LRGUK: variants seen among roughly 807,000 people sequenced by gnomAD.
LRGUK encodes leucine-rich repeat and guanylate kinase domain-containing protein.
LRGUK carries 65 observed loss-of-function variants against 76.0 expected under a neutral mutation model. That is an observed-to-expected ratio of 0.85 (90% CI 0.70 to 1.05). The LOEUF (loss-of-function observed/expected upper bound fraction) is 1.05, where lower values mean the gene tolerates loss of function less well. LRGUK is among the 50% of genes least tolerant of loss of function. The probability of loss-of-function intolerance (pLI) is 0.00; values close to 1 mark genes in which losing one functional copy is unlikely to be tolerated. For synonymous variants in LRGUK, 268 were observed against 265.6 expected (o/e 1.01, Z -0.09); for missense variants, 758 against 732.8 (o/e 1.03, Z -0.40).
chr7:134,225,929 T>C (rs1321987634), intron 16 of LRGUK, among the ~76,000 whole-genome samples: 1 of 152,198 alleles, frequency 6.6e-6, no homozygotes, highest in Non-Finnish European at 1.5e-5. Context: ...AGCTTTTGTG[T>C]AGGTTATTTC....
intron 16 of LRGUK, among the ~76,000 whole-genome samples, chr7:134,226,382 G>A (rs780559266): frequency 6.6e-6 from 1 of 151,902 alleles, no homozygotes; most frequent in Non-Finnish European, 1.5e-5. Context: ...TCTCTATACC[G>A]CCTCTGTAAT....
intron 12 of LRGUK, 104 bp downstream of exon 12, chr7:134,191,855 G>C: frequency 1.2e-6 from 1 of 801,188 alleles, no homozygotes; most frequent in Non-Finnish European, 1.9e-6. Context: ...TAAATTTTGT[G>C]CTTGTTATGA....
At chr7:134,195,574 A>G (rs1448081818) in intron 12 of LRGUK, among the ~76,000 whole-genome samples, 1 of 152,194 alleles carries the variant, frequency 6.6e-6, no homozygotes, top group Non-Finnish European at 1.5e-5. Flanking sequence ...CTGATTGGAT[A>G]AAGTCCACCT....
intron 15 of LRGUK, among the ~76,000 whole-genome samples, chr7:134,220,610 T>G (rs2117151876): frequency 6.6e-6 from 1 of 152,142 alleles, no homozygotes; most frequent in South Asian, 2.1e-4. Context: ...CGTTGTTGTT[T>G]TGAGGCAGGT....
At chr7:134,202,104 C>T (rs976956311) in intron 15 of LRGUK, among the ~76,000 whole-genome samples, 1 of 152,106 alleles carries the variant, frequency 6.6e-6, no homozygotes, top group African/African-American at 2.4e-5. Flanking sequence ...TACTGTTCTG[C>T]TACATGGACC....
At chr7:134,146,025 C>A (rs1430849576) in intron 4 of LRGUK, among the ~76,000 whole-genome samples, 1 of 152,160 alleles carries the variant, frequency 6.6e-6, no homozygotes, top group African/African-American at 2.4e-5. Context: ...GTAATCCCAG[C>A]ACTTTGGGAG....
chr7:134,206,953 C>T lies in LRGUK; in HGVS notation c.1844-1754C>T, dbSNP rs73159180. On this transcript the variant is annotated intron_variant, in intron 15 of 15. Transcript: ENST00000645682. ...AGGAGAACTGAGCAGTTGACTAGTC[C>T]GTAAAGTTTTCCTTTATCTTTAATA... 5.9e-3 allele frequency among the ~76,000 whole-genome samples: 890 copies of T among 152,114 alleles called. 5 individuals carry two copies. The highest frequency in any genetic ancestry group is 7.0e-3 in the Non-Finnish European group (479 of 67,992).
intron 10 of LRGUK, among the ~76,000 whole-genome samples, chr7:134,181,931 A>G (rs1799769417): frequency 6.6e-6 from 1 of 152,176 alleles, no homozygotes. Context: ...TAGCACCACT[A>G]CAGTCAAGAT....
At chr7:134,274,311 A>T in the LRGUK span, among the ~76,000 whole-genome samples, 7 of 152,156 alleles carry the variant, frequency 4.6e-5, no homozygotes, top group African/African-American at 1.7e-4. Flanking sequence ...TTTCTTCCTT[A>T]TAAGTTCTAG....
intron 4 of LRGUK, among the ~76,000 whole-genome samples, chr7:134,144,608 TA>T (rs1797895368): frequency 6.6e-6 from 1 of 152,246 alleles, no homozygotes. Context: ...AGTTTTATTT[TA>T]TTTACAAACC....
rs1426239410 is a variant in LRGUK, at chr7:134,129,152, C to CTCTT, written c.297+1503_297+1506dup. Among the ~76,000 whole-genome samples the CTCTT allele has an allele frequency of 3.2e-5, 4 of 124,782 alleles. No homozygotes were observed. In the South Asian group the frequency reaches 1.3e-3, roughly 40 times the overall value. The allele number at this position is 124,782 out of a possible 152,430, so 81.9% of individuals were successfully genotyped here. On this transcript the variant is annotated intron_variant, in intron 1 of 15. Coordinates refer to ENST00000645682, the Ensembl canonical transcript of LRGUK. ...TTTCCCTCCCTCCCTCCCTTCCTTC[C>CTCTT]TCTTTCTTTCTTTCTTTCGTTTTTT...
At chr7:134,271,076 C>A in the LRGUK span, among the ~76,000 whole-genome samples, 1 of 151,952 alleles carries the variant, frequency 6.6e-6, no homozygotes, top group Non-Finnish European at 1.5e-5. Context: ...AAAGTTGAAC[C>A]TTTTAAATAA....
At chr7:134,231,922 A>G (rs1801909668) in intron 16 of LRGUK, among the ~76,000 whole-genome samples, 1 of 140,886 alleles carries the variant, frequency 7.1e-6, no homozygotes, top group South Asian at 2.2e-4. Context: ...CTCCCTTCCC[A>G]TCCCTTCTTC....
intron 13 of LRGUK, 102 bp downstream of exon 13, chr7:134,197,207 G>C: frequency 1.5e-6 from 1 of 674,736 alleles, no homozygotes. Flanking sequence ...ACTTTTTACT[G>C]ATACATAATT....
chr7:134,186,884 C>T (rs557136760), intron 11 of LRGUK, among the ~76,000 whole-genome samples: 1 of 152,182 alleles, frequency 6.6e-6, no homozygotes, highest in Non-Finnish European at 1.5e-5. Flanking sequence ...CTATTTTTCT[C>T]TTCTGGCTGG....
intron 1 of LRGUK, among the ~76,000 whole-genome samples, chr7:134,128,109 GAAAAAAA>G (rs11291605): frequency 7.3e-6 from 1 of 136,060 alleles, no homozygotes; most frequent in African/African-American, 2.7e-5. Flanking sequence ...CTCCCTCCAG[GAAAAAAA>G]AAAAAAAAAA....
At chr7:134,219,969 G>A (rs1013509214) in intron 15 of LRGUK, among the ~76,000 whole-genome samples, 4 of 151,966 alleles carry the variant, frequency 2.6e-5, no homozygotes, top group African/African-American at 7.3e-5. Context: ...CACACTTGTC[G>A]TTACTTGATA....
rs535813746 is a variant in LRGUK at position 134,176,832 on chromosome 7, G to A, written c.1021-145G>A. The A allele has an allele frequency of 1.0e-4, 56 of 537,142 alleles. No individual in the cohort carries two copies. The African/African-American group carries it at 1.0e-3, about 10-fold the overall frequency. The allele number at this position is 537,142 out of a possible 1,614,324, so 33.3% of individuals were successfully genotyped here. On this transcript the variant is annotated intron_variant, in intron 8 of 15. Coordinates refer to ENST00000645682, the Ensembl canonical transcript of LRGUK. ...TGAGTTAATGTAAGGGGACTGGGAA[G>A]CGTGAAATGCATAGTCCTGTGAGGG...
At chr7:134,215,833 C>T (rs992914876) in intron 15 of LRGUK, among the ~76,000 whole-genome samples, 6 of 152,138 alleles carry the variant, frequency 3.9e-5, no homozygotes, top group Admixed American at 3.9e-4. Flanking sequence ...ATTGACCAGG[C>T]ATTCAGAGAA....
Sources: allele counts gnomAD v4.1 joint callset (sites outside exome capture counted in the v4.1 genomes callset), GRCh38; gene constraint gnomAD v4.1.1; transcripts MANE v1.5; gene names NCBI Gene and HGNC (gene_info 2026-07-23, HGNC 2026-07-21).